The following FAM120B variants were observed in gnomAD, a reference collection of about 807,000 sequenced individuals.
FAM120B encodes the protein family with sequence similarity 120 member B, also known as constitutive coactivator of peroxisome proliferator-activated receptor gamma.
A neutral mutation model predicts 96.3 loss-of-function variants in FAM120B; 83 were observed. The ratio of observed to expected loss-of-function variants is 0.86; its 90% CI spans 0.72 to 1.03. FAM120B has a LOEUF of 1.03. Among genes scored for constraint, FAM120B ranks in the 50% least tolerant of loss-of-function variants. FAM120B has a pLI of 0.00. For synonymous variants in FAM120B, 407 were observed against 402.7 expected (o/e 1.01, Z -0.13); for missense variants, 1,027 against 1,121.2 (o/e 0.92, Z 1.20).
intron 6 of FAM120B, among the ~76,000 whole-genome samples, chr6:170,378,101 T>G (rs1789679377): frequency 6.6e-6 from 1 of 152,224 alleles, no homozygotes; most frequent in Non-Finnish European, 1.5e-5. Context: ...CCTGATAGAG[T>G]TGCCATAAAA....
chr6:170,351,082 A>C (rs1006359132), intron 5 of FAM120B, among the ~76,000 whole-genome samples: 13 of 152,254 alleles, frequency 8.5e-5, no homozygotes, highest in African/African-American at 2.9e-4. Context: ...TAGTCAGTTT[A>C]AAGAGCAACA....
At chr6:170,382,043 C>G (rs2115290138) in intron 6 of FAM120B, among the ~76,000 whole-genome samples, 2 of 152,160 alleles carry the variant, frequency 1.3e-5, no homozygotes, top group Middle Eastern at 3.4e-3. Context: ...AAAAAGCATG[C>G]AGACAAAAAG....
At chr6:170,387,373 T>C (rs1033566770) in intron 6 of FAM120B, among the ~76,000 whole-genome samples, 2 of 152,232 alleles carry the variant, frequency 1.3e-5, no homozygotes, top group African/African-American at 2.4e-5. Context: ...TTTAGTTTTA[T>C]TTAAAATAAC....
chr6:170,354,041 C>G (rs1429207614), intron 5 of FAM120B, among the ~76,000 whole-genome samples: 1 of 152,194 alleles, frequency 6.6e-6, no homozygotes, highest in East Asian at 1.9e-4. Context: ...GCTACCATAA[C>G]CAAAACAGCA....
chr6:170,336,637 CATG>C (rs1416809778), intron 4 of FAM120B, among the ~76,000 whole-genome samples: 2 of 152,334 alleles, frequency 1.3e-5, no homozygotes, highest in African/African-American at 4.8e-5. Context: ...TGGCCATTTT[CATG>C]ATATTAATTC....
chr6:170,337,741 C>T (rs1786536037), intron 4 of FAM120B, among the ~76,000 whole-genome samples: 1 of 152,082 alleles, frequency 6.6e-6, no homozygotes, highest in Non-Finnish European at 1.5e-5. Context: ...GATTCAGCTT[C>T]TTCCTGGTTT....
chr6:170,371,630 T>C (rs1301397869), intron 6 of FAM120B, among the ~76,000 whole-genome samples: 2 of 152,194 alleles, frequency 1.3e-5, no homozygotes, highest in Non-Finnish European at 2.9e-5. Context: ...AAAAAAGAAA[T>C]TCTCCAGAAA....
intron 6 of FAM120B, among the ~76,000 whole-genome samples, chr6:170,367,281 C>T (rs58821934): frequency 0.068 from 10,327 of 152,256 alleles, 384 homozygotes; most frequent in African/African-American, 0.09. Context: ...GGCCACATTC[C>T]GCCACCAGCA....
At chr6:170,304,614 T>A (rs999205867), upstream of FAM120B, among the ~76,000 whole-genome samples, 3 of 152,196 alleles carry the variant, frequency 2.0e-5, no homozygotes, top group Non-Finnish European at 4.4e-5. Flanking sequence ...CAATGAGCAG[T>A]CACCTGGTGG....
At chr6:170,299,733 TCTGA>T (rs1419120908) in intron 1 of FAM120B, among the ~76,000 whole-genome samples, 1 of 152,376 alleles carries the variant, frequency 6.6e-6, no homozygotes, top group African/African-American at 2.4e-5. Context: ...TGATTCACTA[TCTGA>T]CTATGTATAA....
intron 4 of FAM120B, among the ~76,000 whole-genome samples, chr6:170,336,344 G>T (rs1367924565): frequency 6.6e-6 from 1 of 152,130 alleles, no homozygotes; most frequent in Non-Finnish European, 1.5e-5. Context: ...GTTTGTCAAA[G>T]ATCAGATGGT....
At chr6:170,312,777 A>G (rs1784664291) in intron 1 of FAM120B, among the ~76,000 whole-genome samples, 1 of 152,236 alleles carries the variant, frequency 6.6e-6, no homozygotes, top group African/African-American at 2.4e-5. Flanking sequence ...GCAGTGAAGG[A>G]GAGAGATCTG....
intron 1 of FAM120B, among the ~76,000 whole-genome samples, chr6:170,308,103 T>A (rs1215461892): frequency 1.3e-5 from 2 of 152,188 alleles, no homozygotes; most frequent in Admixed American, 1.3e-4. Flanking sequence ...GACTTTGCTG[T>A]TAGGAGCCAC....
intron 1 of FAM120B, among the ~76,000 whole-genome samples, chr6:170,301,097 G>C (rs943800368): frequency 6.6e-6 from 1 of 152,260 alleles, no homozygotes; most frequent in African/African-American, 2.4e-5. Context: ...TGCCCTAGCA[G>C]AGCTTCTCCA....
chr6:170,388,974 G>GA (rs1239732913), intron 7 of FAM120B, among the ~76,000 whole-genome samples: 8 of 152,196 alleles, frequency 5.3e-5, no homozygotes, highest in Admixed American at 5.2e-4. Context: ...CTAGAGAAAA[G>GA]AAAATGTGAT....
intron 6 of FAM120B, among the ~76,000 whole-genome samples, chr6:170,375,164 G>A (rs1010169103): frequency 1.3e-5 from 2 of 152,212 alleles, no homozygotes; most frequent in Non-Finnish European, 2.9e-5. Flanking sequence ...TATGAAGTAG[G>A]TCCAATCTGT....
intron 9 of FAM120B, among the ~76,000 whole-genome samples, chr6:170,403,360 A>G (rs1778680987): frequency 6.6e-6 from 1 of 152,142 alleles, no homozygotes; most frequent in South Asian, 2.1e-4. Context: ...CCTACCTTCA[A>G]CTCCTCTTTT....
intron 4 of FAM120B, among the ~76,000 whole-genome samples, chr6:170,338,825 A>ATTGCATTGCATT (rs1786615040): frequency 6.8e-6 from 1 of 147,368 alleles, no homozygotes; most frequent in African/African-American, 2.5e-5. Context: ...GTAGTATTAG[A>ATTGCATTGCATT]GACTAGCATT....
chr6:170,377,838 G>A (rs892676284), intron 6 of FAM120B, among the ~76,000 whole-genome samples: 4 of 145,392 alleles, frequency 2.8e-5, no homozygotes, highest in African/African-American at 7.9e-5. Context: ...GTGCACACGC[G>A]TCCCTAATCC....
Sources: allele counts gnomAD v4.1 joint callset (sites outside exome capture counted in the v4.1 genomes callset), GRCh38; gene constraint gnomAD v4.1.1; transcripts MANE v1.5; gene names NCBI Gene and HGNC (gene_info 2026-07-23, HGNC 2026-07-21).